NKAIN2: variants seen among roughly 807,000 people sequenced by gnomAD.
NKAIN2 encodes sodium/potassium transporting ATPase interacting 2.
Under a neutral mutation model 32.6 loss-of-function variants are expected in NKAIN2, and 14 were observed. That is an observed-to-expected ratio of 0.43 (90% CI 0.28 to 0.67). The LOEUF is 0.67. Among genes scored for constraint, NKAIN2 ranks in the 30% least tolerant of loss-of-function variants. The pLI is 0.17. For synonymous variants in NKAIN2, 80 were observed against 87.2 expected (o/e 0.92, Z 0.46); for missense variants, 198 against 258.3 (o/e 0.77, Z 1.60).
At chr6:124,784,260 A>C (rs1779403637) in intron 4 of NKAIN2, among the ~76,000 whole-genome samples, 1 of 152,158 alleles carries the variant, frequency 6.6e-6, no homozygotes. Flanking sequence ...AAATAGTATT[A>C]CCTTGCAAAA....
In NKAIN2 at chr6:124,439,092, C is replaced by T. The variant is rs757680657; in HGVS notation, c.273+83745C>T. 5.9e-5 allele frequency among the ~76,000 whole-genome samples: 9 copies of T among 152,206 alleles called. No homozygotes were observed. The East Asian group carries it at 9.7e-4, about 16-fold the overall frequency. On this transcript the variant is annotated intron_variant, in intron 3 of 6. Coordinates refer to ENST00000368417, the MANE Select transcript of NKAIN2 (RefSeq NM_001040214.3). ...AGAATCACATATATAACATTTTACT[C>T]GACAGCTCTTCTCAATAGCTAATGG...
chr6:124,632,177 A>G (rs1303529354), intron 3 of NKAIN2, among the ~76,000 whole-genome samples: 1 of 152,202 alleles, frequency 6.6e-6, no homozygotes, highest in Non-Finnish European at 1.5e-5. Flanking sequence ...CTTAATTAAA[A>G]TTATTAAGGT....
At chr6:124,230,375 G>C (rs1376983610) in intron 1 of NKAIN2, among the ~76,000 whole-genome samples, 1 of 152,196 alleles carries the variant, frequency 6.6e-6, no homozygotes, top group South Asian at 2.1e-4. Context: ...TTTGCAGCCT[G>C]ACAATGTGAT....
intron 4 of NKAIN2, among the ~76,000 whole-genome samples, chr6:124,698,508 C>T (rs1774612516): frequency 6.6e-6 from 1 of 152,104 alleles, no homozygotes; most frequent in Non-Finnish European, 1.5e-5. Context: ...TAATTGGTAT[C>T]ATTAAGTAAC....
chr6:123,914,458 C>A (rs1267245551), intron 1 of NKAIN2, among the ~76,000 whole-genome samples: 5 of 152,050 alleles, frequency 3.3e-5, no homozygotes, highest in African/African-American at 1.2e-4. Flanking sequence ...GATCAGGGAC[C>A]CACCATTATG....
chr6:124,666,834 C>T (rs942155433), intron 4 of NKAIN2, among the ~76,000 whole-genome samples: 18 of 151,898 alleles, frequency 1.2e-4, no homozygotes, highest in African/African-American at 4.4e-4. Context: ...AGCAAGAATC[C>T]TTAAATCTTA....
chr6:124,370,576 C>T (rs962190270), intron 3 of NKAIN2, among the ~76,000 whole-genome samples: 3 of 152,120 alleles, frequency 2.0e-5, no homozygotes, highest in East Asian at 3.9e-4. Context: ...TTAGGAGCTA[C>T]GTCAAAAATG....
intron 3 of NKAIN2, among the ~76,000 whole-genome samples, chr6:124,412,270 G>A (rs192395984): frequency 2.0e-5 from 3 of 152,038 alleles, no homozygotes; most frequent in South Asian, 4.1e-4. Context: ...TAGAGTTTCT[G>A]GTTTTTCTGC....
intron 1 of NKAIN2, among the ~76,000 whole-genome samples, chr6:123,872,073 T>C (rs1772918267): frequency 6.6e-6 from 1 of 152,210 alleles, no homozygotes; most frequent in African/African-American, 2.4e-5. Context: ...GCTGTTCTGG[T>C]AGCATCACCA....
intron 1 of NKAIN2, among the ~76,000 whole-genome samples, chr6:123,819,417 A>C (rs976575344): frequency 2.0e-5 from 3 of 152,182 alleles, no homozygotes; most frequent in African/African-American, 7.2e-5. Context: ...GATTGTTGAG[A>C]ACTAACAAAG....
intron 4 of NKAIN2, among the ~76,000 whole-genome samples, chr6:124,788,175 C>A (rs1779586859): frequency 6.6e-6 from 1 of 152,018 alleles, no homozygotes; most frequent in Admixed American, 6.6e-5. Flanking sequence ...TGGCTCTAAC[C>A]AGGGGAAATT....
chr6:124,265,426 T>G (rs1794449035), intron 1 of NKAIN2, among the ~76,000 whole-genome samples: 1 of 152,178 alleles, frequency 6.6e-6, no homozygotes, highest in Non-Finnish European at 1.5e-5. Context: ...TCAGGACACA[T>G]AGCACATACC....
intron 1 of NKAIN2, among the ~76,000 whole-genome samples, chr6:124,013,640 A>T (rs903693726): frequency 6.6e-6 from 1 of 152,176 alleles, no homozygotes; most frequent in Non-Finnish European, 1.5e-5. Flanking sequence ...AATCCCCAAA[A>T]TCTGTGCATA....
intron 1 of NKAIN2, among the ~76,000 whole-genome samples, chr6:124,240,414 A>G (rs1037353200): frequency 6.6e-6 from 1 of 152,156 alleles, no homozygotes. Flanking sequence ...CATTATCCTG[A>G]TATCAAAACC....
chr6:123,832,777 T>C (rs1407691322), intron 1 of NKAIN2, among the ~76,000 whole-genome samples: 1 of 152,234 alleles, frequency 6.6e-6, no homozygotes, highest in East Asian at 1.9e-4. Context: ...ATTTTCTTTG[T>C]TGAGGTGTCT....
chr6:124,815,437 T>C (rs768733840), intron 5 of NKAIN2, among the ~76,000 whole-genome samples: 1 of 151,724 alleles, frequency 6.6e-6, no homozygotes, highest in Non-Finnish European at 1.5e-5. Flanking sequence ...GCCCAGTTAA[T>C]TTTTGTATTT....
intron 3 of NKAIN2, among the ~76,000 whole-genome samples, chr6:124,470,035 G>A (rs1293045560): frequency 6.6e-6 from 1 of 152,150 alleles, no homozygotes; most frequent in Admixed American, 6.5e-5. Flanking sequence ...AGGATTCACT[G>A]GGAAAGCAAA....
chr6:124,184,811 A>G (rs1562408038), intron 1 of NKAIN2, among the ~76,000 whole-genome samples: 1 of 152,182 alleles, frequency 6.6e-6, no homozygotes, highest in African/African-American at 2.4e-5. Flanking sequence ...ATCCTTGTTA[A>G]ATACAGACTT....
At chr6:124,562,121 C>T (rs1303419052) in intron 3 of NKAIN2, among the ~76,000 whole-genome samples, 20 of 152,150 alleles carry the variant, frequency 1.3e-4, no homozygotes, top group Admixed American at 1.2e-3. Context: ...TTTTGAGAAT[C>T]TAACAATCAA....
Sources: gnomAD v4.1 joint callset for allele counts (sites outside exome capture counted in the v4.1 genomes callset) on GRCh38, gnomAD v4.1.1 for gene constraint, MANE v1.5 for transcripts, NCBI Gene and HGNC (gene_info 2026-07-23, HGNC 2026-07-21) for gene names.